SNX25: variants seen among roughly 807,000 people sequenced by gnomAD.
The protein encoded by SNX25 is sorting nexin 25.
Under a neutral mutation model 113.7 loss-of-function variants are expected in SNX25, and 62 were observed. The ratio of observed to expected loss-of-function variants is 0.55; its 90% CI spans 0.44 to 0.67. SNX25 has a LOEUF of 0.67. Ranked by LOEUF, SNX25 falls within the 30% of genes least tolerant of loss-of-function variation. The probability of loss-of-function intolerance (pLI) is 0.00; values close to 1 mark genes in which losing one functional copy is unlikely to be tolerated. For missense variants in SNX25, 1,014 were observed against 1,161.0 expected (o/e 0.87, Z 1.84); for synonymous variants, 421 against 436.2 (o/e 0.97, Z 0.43).
intron 1 of SNX25, among the ~76,000 whole-genome samples, chr4:185,244,183 G>C (rs1220460721): frequency 6.6e-6 from 1 of 152,142 alleles, no homozygotes; most frequent in Non-Finnish European, 1.5e-5. Flanking sequence ...ATTTTAGATG[G>C]GGTTTCACCA....
chr4:185,251,634 T>C (rs1017851708), intron 2 of SNX25, among the ~76,000 whole-genome samples: 28 of 148,214 alleles, frequency 1.9e-4, no homozygotes, highest in South Asian at 4.3e-4. Context: ...TGTGTGTGTG[T>C]GTGCCACATT....
chr4:185,269,343 G>A (rs1299052109), intron 5 of SNX25, among the ~76,000 whole-genome samples: 1 of 152,166 alleles, frequency 6.6e-6, no homozygotes, highest in Admixed American at 6.5e-5. Flanking sequence ...GTGTTTTCGT[G>A]CCTGCTGTTC....
intron 2 of SNX25, among the ~76,000 whole-genome samples, chr4:185,253,313 CCT>C (rs1279719498): frequency 6.6e-6 from 1 of 151,978 alleles, no homozygotes; most frequent in Non-Finnish European, 1.5e-5. Context: ...TATAAAAGAC[CCT>C]GTCTGCCACA....
At position 185,263,787 on chromosome 4, in the gene SNX25, A is replaced by C. The variant is rs151141072; in HGVS notation, c.732-651A>C. Reference sequence around the variant, plus strand: ...GCATCCCAGGCTTTCTTGAATCACTATCAAGATACTATGGGAAGGGAAGTA... The same window carrying C: ...GCATCCCAGGCTTTCTTGAATCACTCTCAAGATACTATGGGAAGGGAAGTA... On this transcript the variant is annotated intron_variant, in intron 3 of 18. Coordinates refer to ENST00000652585, the MANE Select transcript of SNX25 (RefSeq NM_001378034.2). Among the ~76,000 whole-genome samples the C allele has an allele frequency of 3.4e-3, 513 of 152,282 alleles. 3 individuals carry two copies. Among genetic ancestry groups the C allele is most frequent in the Non-Finnish European group, 4.7e-3 (320 of 68,028 alleles).
chr4:185,326,232 G>C (rs1357911601), intron 9 of SNX25, among the ~76,000 whole-genome samples: 1 of 152,114 alleles, frequency 6.6e-6, no homozygotes, highest in Non-Finnish European at 1.5e-5. Flanking sequence ...ACGTCAGAAA[G>C]GTCACTCCAG....
chr4:185,262,668 A>T (rs1327950603), intron 3 of SNX25, among the ~76,000 whole-genome samples: 2 of 152,228 alleles, frequency 1.3e-5, no homozygotes, highest in Non-Finnish European at 2.9e-5. Flanking sequence ...ACACGTGATG[A>T]TGTCTACTTT....
intron 1 of SNX25, among the ~76,000 whole-genome samples, chr4:185,242,563 A>G (rs1293883685): frequency 6.6e-6 from 1 of 152,248 alleles, no homozygotes; most frequent in African/African-American, 2.4e-5. Context: ...GCAGATGAAG[A>G]AATGCTACGG....
upstream of SNX25, among the ~76,000 whole-genome samples, chr4:185,205,099 A>G (rs970180969): frequency 1.3e-5 from 2 of 152,214 alleles, no homozygotes; most frequent in African/African-American, 4.8e-5. Flanking sequence ...GTCCTTCACA[A>G]TGCATTTTGT....
At position 185,362,775 on chromosome 4, in the gene SNX25, A is replaced by G; in HGVS notation, c.2934+64A>G. The G allele has an allele frequency of 8.4e-6, 11 of 1,311,644 alleles. No homozygotes were observed. In the South Asian group the frequency reaches 1.2e-4, roughly 15 times the overall value. 81.3% of individuals were successfully genotyped at this position (1,311,644 alleles called of 1,614,324 possible). A position where few individuals can be genotyped will look rare whatever the true frequency, so the allele number is the denominator to read the frequency against. ...TTTGTCTGTTTCTTCGTTTGGTCAGAAAAAACATGTGCCCCAGTGGCTGCA... is the reference window on the plus strand; with the variant it reads ...TTTGTCTGTTTCTTCGTTTGGTCAGGAAAAACATGTGCCCCAGTGGCTGCA... On this transcript the variant is annotated intron_variant, in intron 18 of 18. Coordinates refer to ENST00000652585, the MANE Select transcript of SNX25 (RefSeq NM_001378034.2).
chr4:185,280,196 G>A (rs1202682141), intron 5 of SNX25, among the ~76,000 whole-genome samples: 9 of 152,154 alleles, frequency 5.9e-5, no homozygotes, highest in Admixed American at 1.3e-4. Context: ...AATTACAGAC[G>A]TGAGCCACCA....
intron 5 of SNX25, among the ~76,000 whole-genome samples, 192 bp downstream of exon 5, chr4:185,267,347 A>G (rs924316428): frequency 2.0e-5 from 3 of 152,116 alleles, no homozygotes; most frequent in Admixed American, 6.6e-5. Flanking sequence ...TTTTTAAAGT[A>G]TTAGGTTTTT....
intron 5 of SNX25, among the ~76,000 whole-genome samples, chr4:185,269,951 CTGTAT>C (rs1228968275): frequency 6.6e-6 from 1 of 152,028 alleles, no homozygotes; most frequent in African/African-American, 2.4e-5. Context: ...AACACAGTTC[CTGTAT>C]TGTAAGATGA....
rs1276254616 is a variant in SNX25 at position 185,317,641 on chromosome 4, A to G, written c.1345-3092A>G. 2.0e-5 allele frequency among the ~76,000 whole-genome samples: 3 copies of G among 152,346 alleles called. No homozygotes were observed. The East Asian group carries it at 5.8e-4, about 29-fold the overall frequency. ...ATACACCATGGAGTACTATGCAGCCATAAAAAAGAATGAGTTCATGTCCTT... is the reference window on the plus strand; with the variant it reads ...ATACACCATGGAGTACTATGCAGCCGTAAAAAAGAATGAGTTCATGTCCTT... On this transcript the variant is annotated intron_variant, in intron 7 of 18. Coordinates refer to ENST00000652585, the MANE Select transcript of SNX25 (RefSeq NM_001378034.2).
intron 1 of SNX25, among the ~76,000 whole-genome samples, chr4:185,239,302 T>C (rs770538474): frequency 2.0e-5 from 3 of 151,700 alleles, no homozygotes; most frequent in Non-Finnish European, 4.4e-5. Flanking sequence ...GCCAACACGG[T>C]GAAACTCCGT....
chr4:185,239,285 C>G (rs1398471499), intron 1 of SNX25, among the ~76,000 whole-genome samples: 1 of 151,684 alleles, frequency 6.6e-6, no homozygotes, highest in Non-Finnish European at 1.5e-5. Flanking sequence ...AGATCGAGAC[C>G]ATCCTGGCCA....
At chr4:185,225,547 G>C (rs909648110) in intron 1 of SNX25, among the ~76,000 whole-genome samples, 3 of 152,202 alleles carry the variant, frequency 2.0e-5, no homozygotes, top group African/African-American at 7.2e-5. Flanking sequence ...AATCATTCCT[G>C]TGGCCCCAGT....
At chr4:185,247,847 ATATGGC>A (rs1185612975) in intron 2 of SNX25, among the ~76,000 whole-genome samples, 2 of 152,188 alleles carry the variant, frequency 1.3e-5, no homozygotes, top group Admixed American at 6.6e-5. Flanking sequence ...GGAAGGTAAA[ATATGGC>A]TATGTCTGGA....
At chr4:185,333,655 AGAAG>A (rs983007266) in intron 10 of SNX25, among the ~76,000 whole-genome samples, 26 of 152,224 alleles carry the variant, frequency 1.7e-4, no homozygotes, top group Admixed American at 5.9e-4. Flanking sequence ...GCAAAAAAGA[AGAAG>A]GAAGAAAGTC....
chr4:185,258,784 A>G, intron 2 of SNX25, 64 bp from the exon 3 acceptor site: 2 of 1,350,332 alleles, frequency 1.5e-6, no homozygotes, highest in Non-Finnish European at 2.1e-6. Flanking sequence ...TTTCCAGTAG[A>G]AATGCAGTCT....
Sources: allele counts gnomAD v4.1 joint callset (sites outside exome capture counted in the v4.1 genomes callset), GRCh38; gene constraint gnomAD v4.1.1; transcripts MANE v1.5; gene names NCBI Gene and HGNC (gene_info 2026-07-23, HGNC 2026-07-21).